ACSM5: variants seen among roughly 807,000 people sequenced by gnomAD.
ACSM5 encodes the protein acyl-CoA synthetase medium chain family member 5.
Under a neutral mutation model 71.6 loss-of-function variants are expected in ACSM5, and 56 were observed. The ratio of observed to expected loss-of-function variants is 0.78; its 90% CI spans 0.63 to 0.98. The LOEUF is 0.98. Ranked by LOEUF, ACSM5 falls within the 50% of genes least tolerant of loss-of-function variation. The probability of loss-of-function intolerance (pLI) is 0.00; values close to 1 mark genes in which losing one functional copy is unlikely to be tolerated. For missense variants in ACSM5, 723 were observed against 726.0 expected (o/e 1.00, Z 0.05); for synonymous variants, 285 against 281.5 (o/e 1.01, Z -0.12).
At chr16:20,416,186 C>G (rs1966856030) in intron 2 of ACSM5, among the ~76,000 whole-genome samples, 1 of 150,934 alleles carries the variant, frequency 6.6e-6, no homozygotes, top group African/African-American at 2.4e-5. Context: ...TTAATGCAAA[C>G]TTTATCAAAA....
At chr16:20,413,653 T>A (rs112569682) in intron 2 of ACSM5, among the ~76,000 whole-genome samples, 6,732 of 152,280 alleles carry the variant, frequency 0.044, 157 homozygotes, top group South Asian at 0.058. Context: ...ATTGTATTCC[T>A]GGAAATCTAG....
rs1328585446 is a variant in ACSM5, at chr16:20,441,139, A to G, written c.*712A>G. 2 of 152,172 alleles carry G rather than the reference A, an allele frequency of 1.3e-5. No individual in the cohort carries two copies. The allele number at this position is 152,172 out of a possible 1,614,324, so 9.4% of individuals were successfully genotyped here. On this transcript the variant is annotated 3_prime_UTR_variant, in exon 14 of 14. Coordinates refer to ENST00000331849, the MANE Select transcript of ACSM5 (RefSeq NM_017888.3). Reference sequence around the variant, plus strand: ...TAAAAATCAGAGCAAAAATATTCATACTGGAGAATCCCAACTCTGAAAAAT... The same window carrying G: ...TAAAAATCAGAGCAAAAATATTCATGCTGGAGAATCCCAACTCTGAAAAAT...
At chr16:20,411,077 C>T (rs1003972321) in intron 1 of ACSM5, among the ~76,000 whole-genome samples, 1 of 152,196 alleles carries the variant, frequency 6.6e-6, no homozygotes, top group Non-Finnish European at 1.5e-5. Flanking sequence ...AGTACTAGAA[C>T]ATTGTAAATT....
chr16:20,411,715 A>G (rs776939218), intron 2 of ACSM5, 27 bp downstream of exon 2: 1 of 1,608,974 alleles, frequency 6.2e-7, no homozygotes, highest in East Asian at 2.2e-5. Flanking sequence ...CCTAGAGTCC[A>G]TCTGGGGCAT....
chr16:20,419,075 G>A lies in ACSM5; in HGVS notation c.416-153G>A, dbSNP rs369665065. On this transcript the variant is annotated intron_variant, in intron 3 of 13. Coordinates refer to ENST00000331849, the MANE Select transcript of ACSM5 (RefSeq NM_017888.3). ...TAAGTGATCATGCACTTATTCAGAC[G>A]GCTAGGGTTTTTAGGCTGTTATTAT... 1.3e-3 allele frequency among the ~76,000 whole-genome samples: 203 copies of A among 152,200 alleles called. 3 individuals are homozygous for A. The South Asian group carries it at 0.036, about 27-fold the overall frequency.
At chr16:20,432,760 A>C (rs1335510819) in intron 10 of ACSM5, among the ~76,000 whole-genome samples, 1 of 151,118 alleles carries the variant, frequency 6.6e-6, no homozygotes, top group African/African-American at 2.4e-5. Context: ...AGTAATTTGA[A>C]AAGTTATTTG....
Position 20,429,703 on chromosome 16 carries a change from T to C in ACSM5, c.1027T>C (p.Cys343Arg). ...GTACCAGTTTCAGAGCCTGAGGCAC[T>C]GTCTGACCGGAGGAGAGGCCCTCAA... Reference protein sequence around the residue: ...TRYQFQSLRHCLTGGEALNPD... With the variant: ...TRYQFQSLRHRLTGGEALNPD... The change falls in exon 8 of 14, where the codon TGT (cysteine) becomes CGT (arginine). Residue 343 changes from cysteine (C) to arginine (R), a missense_variant. Physicochemically the swap from Cys to Arg is radical, Grantham distance 180. Coordinates refer to ENST00000331849, the MANE Select transcript of ACSM5 (RefSeq NM_017888.3). The C allele has an allele frequency of 6.2e-7, 1 of 1,613,852 alleles. No individual in the cohort carries two copies. The highest frequency in any genetic ancestry group is 8.5e-7 in the Non-Finnish European group (1 of 1,179,848).
At chr16:20,417,709 T>C (rs528604754) in intron 2 of ACSM5, among the ~76,000 whole-genome samples, 1 of 152,344 alleles carries the variant, frequency 6.6e-6, no homozygotes, top group African/African-American at 2.4e-5. Flanking sequence ...GGTACCTGAA[T>C]TATATTTCAA....
chr16:20,417,092 G>T (rs1280009845), intron 2 of ACSM5, among the ~76,000 whole-genome samples: 1 of 151,190 alleles, frequency 6.6e-6, no homozygotes, highest in East Asian at 1.9e-4. Flanking sequence ...CCTCAGACAT[G>T]GCTGGATGGA....
At chr16:20,411,839 C>T in intron 2 of ACSM5, 151 bp downstream of exon 2, 1 of 772,030 alleles carries the variant, frequency 1.3e-6, no homozygotes. Flanking sequence ...GCATTTGAGA[C>T]TTAGGAAAAA....
intron 1 of ACSM5, among the ~76,000 whole-genome samples, chr16:20,411,249 T>G (rs899727690): frequency 2.0e-5 from 3 of 152,176 alleles, no homozygotes; most frequent in Non-Finnish European, 4.4e-5. Flanking sequence ...CAGACCCAGA[T>G]ACCCACAAGT....
At chr16:20,418,945 C>T (rs560605791) in intron 3 of ACSM5, among the ~76,000 whole-genome samples, 2 of 152,218 alleles carry the variant, frequency 1.3e-5, no homozygotes, top group Admixed American at 1.3e-4. Context: ...CATGAATGTC[C>T]AGGGCAGTGA....
Position 20,440,583 on chromosome 16 carries a change from T to C in ACSM5, c.*156T>C, listed in dbSNP as rs541027749. 791 of 653,576 alleles carry C rather than the reference T, an allele frequency of 1.2e-3. 19 individuals are homozygous for C. Among genetic ancestry groups the C allele is most frequent in the African/African-American group, 3.7e-3 (203 of 54,910 alleles). 40.5% of individuals were successfully genotyped at this position (653,576 alleles called of 1,614,324 possible). On this transcript the variant is annotated 3_prime_UTR_variant, in exon 14 of 14. Transcript: ENST00000331849. ...CATCCCCAGGATCACTGGGCAATGC[T>C]GGAAAGAGCAAAAGAATATCATTGG... is the stretch of plus-strand genomic sequence containing the variant.
At chr16:20,433,755 C>T (rs1012263934) in intron 10 of ACSM5, among the ~76,000 whole-genome samples, 13 of 151,948 alleles carry the variant, frequency 8.6e-5, no homozygotes, top group African/African-American at 3.1e-4. Context: ...GCCACTGCAG[C>T]TTTGACTTCC....
At chr16:20,425,051 T>C (rs1966951765) in intron 6 of ACSM5, among the ~76,000 whole-genome samples, 1 of 152,244 alleles carries the variant, frequency 6.6e-6, no homozygotes, top group African/African-American at 2.4e-5. Flanking sequence ...TTATTGACTA[T>C]AGTCACCCTG....
At chr16:20,435,178 G>T (rs530545428) in intron 10 of ACSM5, among the ~76,000 whole-genome samples, 121 of 152,106 alleles carry the variant, frequency 8.0e-4, no homozygotes, top group African/African-American at 2.8e-3. Flanking sequence ...GATTACAGGC[G>T]CCTGCCGCCA....
At chr16:20,430,379 C>T (rs1967070402) in intron 8 of ACSM5, among the ~76,000 whole-genome samples, 1 of 151,880 alleles carries the variant, frequency 6.6e-6, no homozygotes. Context: ...AGATTCTAAG[C>T]AGCGTCCTCT....
At chr16:20,438,695 T>C (rs1327933236) in intron 12 of ACSM5, among the ~76,000 whole-genome samples, 2 of 151,394 alleles carry the variant, frequency 1.3e-5, no homozygotes, top group Non-Finnish European at 3.0e-5. Context: ...GTGGCTCATG[T>C]CTGTAATCCC....
Position 20,418,232 on chromosome 16 carries a change from G to T in ACSM5, c.378G>T (p.Pro126=). The T allele has an allele frequency of 6.2e-7, 1 of 1,612,176 alleles. No homozygotes were observed. The highest frequency in any genetic ancestry group is 2.1e-4 in the Middle Eastern group (1 of 4,726). ...DRMMLVLPRL[P]EWWLVSVACM... ...TGATGCTGGTACTCCCACGGCTCCC[G>T]GAGTGGTGGCTGGTCAGTGTGGCTT... Residue 126 remains proline, a synonymous_variant, in exon 3 of 14, where the codon CCG becomes CCT. Coordinates refer to ENST00000331849, the MANE Select transcript of ACSM5 (RefSeq NM_017888.3).
Sources: allele counts gnomAD v4.1 joint callset (sites outside exome capture counted in the v4.1 genomes callset), GRCh38; gene constraint gnomAD v4.1.1; transcripts MANE v1.5; gene names NCBI Gene and HGNC (gene_info 2026-07-23, HGNC 2026-07-21).